Variants in ARHGAP30 observed in about 807,000 individuals in gnomAD.
ARHGAP30 encodes rho GTPase-activating protein 30.
Under a neutral mutation model 72.0 loss-of-function variants are expected in ARHGAP30, and 23 were observed. That is an observed-to-expected ratio of 0.32 (90% CI 0.23 to 0.45). The LOEUF (loss-of-function observed/expected upper bound fraction) is 0.45. Among genes scored for constraint, ARHGAP30 ranks in the 20% least tolerant of loss-of-function variants. The probability of loss-of-function intolerance (pLI) is 1.00; values close to 1 mark genes in which losing one functional copy is unlikely to be tolerated. For missense variants in ARHGAP30, 1,319 were observed against 1,383.4 expected, an observed-to-expected ratio of 0.95 and a Z score of 0.74; for synonymous variants, 576 against 528.2, an observed-to-expected ratio of 1.09 and a Z score of -1.24.
intron 10 of ARHGAP30, among the ~76,000 whole-genome samples, chr1:161,050,421 T>G (rs541809730): frequency 7.0e-6 from 1 of 143,426 alleles, no homozygotes; most frequent in East Asian, 2.1e-4. Context: ...GCCTCAGCCT[T>G]CTGAGTCTCT....
chr1:161,051,233 A>G lies in ARHGAP30; in HGVS notation c.1420+81T>C, dbSNP rs78640340. Reference sequence around the variant, plus strand: ...AAGGGCTGAGGCCTCTGCCCTTCCTAGGGTGGATCTTCCAGCATCAGAGCT... The same window carrying G: ...AAGGGCTGAGGCCTCTGCCCTTCCTGGGGTGGATCTTCCAGCATCAGAGCT... On this transcript the variant is annotated intron_variant, in intron 10 of 11. Transcript: ENST00000368013. The G allele has an allele frequency of 6.1e-5, 92 of 1,501,068 alleles. No homozygotes were observed. In the African/African-American group the frequency reaches 1.2e-3, roughly 19 times the overall value. 93.0% of individuals were successfully genotyped at this position (1,501,068 alleles called of 1,614,324 possible).
rs1300758416 is a variant in ARHGAP30, at chr1:161,052,559, G to A, written c.837-16C>T. On this transcript the variant is annotated splice_polypyrimidine_tract_variant and intron_variant, in intron 7 of 11. Coordinates refer to ENST00000368013, the MANE Select transcript of ARHGAP30 (RefSeq NM_001025598.2). ...CCCCTTCCTCCTACAAAGAATGGAG[G>A]GGCATAATTGGAGGTTGGAACATGA... The A allele has an allele frequency of 6.2e-7, 1 of 1,614,022 alleles. No homozygotes were observed. Among genetic ancestry groups the A allele is most frequent in the East Asian group, 2.2e-5 (1 of 44,874 alleles).
chr1:161,051,721 G>T lies in ARHGAP30; in HGVS notation c.1019-6C>A. On this transcript the variant is annotated splice_polypyrimidine_tract_variant and splice_region_variant and intron_variant, in intron 9 of 11. Coordinates refer to ENST00000368013, the MANE Select transcript of ARHGAP30 (RefSeq NM_001025598.2). ...CCCCACCAGCCCCTCTGGCTCTGTG[G>T]AGGAAAAAGAGGGCCAGGTAGGCAA... The T allele has an allele frequency of 6.3e-7, 1 of 1,594,122 alleles. No homozygotes were observed. The highest frequency in any genetic ancestry group is 8.5e-7 in the Non-Finnish European group (1 of 1,170,966).
At chr1:161,068,268 C>T (rs1652907481) in intron 1 of ARHGAP30, among the ~76,000 whole-genome samples, 1 of 152,212 alleles carries the variant, frequency 6.6e-6, no homozygotes, top group Non-Finnish European at 1.5e-5. Context: ...AAGGAGTAAG[C>T]CCTGCACTGA....
Position 161,051,544 on chromosome 1 carries a change from C to A in ARHGAP30, c.1190G>T (p.Arg397Leu). The A allele has an allele frequency of 6.2e-7, 1 of 1,614,184 alleles. No homozygotes were observed. The highest frequency in any genetic ancestry group is 8.5e-7 in the Non-Finnish European group (1 of 1,180,042). ...GTPRAGRSAI[R>L]AGGSSRAERC... ...TTCTGCACGGCTGCTGCCCCCAGCC[C>A]GGATGGCTGACCGCCCAGCTCGTGG... The change falls in exon 10 of 12, where the codon CGG (arginine) becomes CTG (leucine). Residue 397 changes from arginine to leucine, a missense_variant. This residue lies in a region of ARHGAP30 where 1,097 missense variants were observed against 1,045.2 expected (regional missense o/e 1.05). Transcript: ENST00000368013.
rs557581175 is a variant in ARHGAP30, at chr1:161,066,010, G to A, written c.97+3518C>T. Among the ~76,000 whole-genome samples the A allele has an allele frequency of 4.2e-4, 63 of 151,002 alleles. No individual in the cohort carries two copies. In the East Asian group the frequency reaches 1.0e-2, roughly 24 times the overall value. ...CTCCCGAGTAGCTGGGACTACAGGC[G>A]CACACCACCATGTCCAGCTAATTTT... On this transcript the variant is annotated intron_variant, in intron 1 of 11. Transcript: ENST00000368013.
rs760395575 is a variant in ARHGAP30 at position 161,051,543 on chromosome 1, C to T, written c.1191G>A (p.Arg397=). The T allele has an allele frequency of 1.2e-6, 2 of 1,614,170 alleles. No homozygotes were observed. The highest frequency in any genetic ancestry group is 1.1e-5 in the South Asian group (1 of 91,086). Residue 397 remains arginine (R), a synonymous_variant, in exon 10 of 12, where the codon CGG becomes CGA. Transcript: ENST00000368013. The part of the protein sequence containing the change: ...GTPRAGRSAI[R]AGGSSRAERC... ...GTTCTGCACGGCTGCTGCCCCCAGC[C>T]CGGATGGCTGACCGCCCAGCTCGTG...
rs764764220 is a variant in ARHGAP30 at position 161,051,548 on chromosome 1, T to C, written c.1186A>G (p.Ile396Val). 6 of 1,614,176 alleles carry C rather than the reference T, an allele frequency of 3.7e-6. No homozygotes were observed. The South Asian group carries it at 5.5e-5, about 15-fold the overall frequency. The change falls in exon 10 of 12, where the codon ATC (isoleucine) becomes GTC (valine). Residue 396 changes from isoleucine (I) to valine (V), a missense_variant. Transcript: ENST00000368013. Reference sequence around the variant, plus strand: ...GCACGGCTGCTGCCCCCAGCCCGGATGGCTGACCGCCCAGCTCGTGGTGTG... The same window carrying C: ...GCACGGCTGCTGCCCCCAGCCCGGACGGCTGACCGCCCAGCTCGTGGTGTG... Reference protein sequence around the residue: ...PGTPRAGRSAIRAGGSSRAER... With the variant: ...PGTPRAGRSAVRAGGSSRAER...
At chr1:161,063,802 G>A (rs1278681669) in intron 1 of ARHGAP30, among the ~76,000 whole-genome samples, 2 of 151,512 alleles carry the variant, frequency 1.3e-5, no homozygotes, top group African/African-American at 2.4e-5. Flanking sequence ...GTCTCTGAAC[G>A]CCCCCCCCAC....
chr1:161,059,399 G>T (rs1248959889), intron 2 of ARHGAP30, among the ~76,000 whole-genome samples: 1 of 149,784 alleles, frequency 6.7e-6, no homozygotes, highest in African/African-American at 2.4e-5. Context: ...AGTGGAGTTT[G>T]TGTGTGTGTG....
chr1:161,065,070 A>G (rs1652662933), intron 1 of ARHGAP30, among the ~76,000 whole-genome samples: 1 of 152,182 alleles, frequency 6.6e-6, no homozygotes, highest in East Asian at 1.9e-4. Flanking sequence ...GTTGGGGTGC[A>G]TTCAAGCAGT....
chr1:161,067,966 C>T (rs893355183), intron 1 of ARHGAP30, among the ~76,000 whole-genome samples: 1 of 149,810 alleles, frequency 6.7e-6, no homozygotes, highest in Non-Finnish European at 1.5e-5. Context: ...CTCCTGCTCT[C>T]GGATTCACCT....
chr1:161,048,362 C>T lies in ARHGAP30; in HGVS notation c.2659G>A (p.Glu887Lys), dbSNP rs779069746. 1.9e-6 allele frequency: 3 copies of T among 1,614,032 alleles called. No individual in the cohort carries two copies. The highest frequency in any genetic ancestry group is 1.1e-5 in the South Asian group (1 of 91,094). The change falls in exon 12 of 12, where the codon GAG (glutamate) becomes AAG (lysine). Residue 887 changes from glutamate (E) to lysine (K), a missense_variant. By Grantham distance (56) the Glu-to-Lys change is moderately conservative. Coordinates refer to ENST00000368013, the MANE Select transcript of ARHGAP30 (RefSeq NM_001025598.2). ...GGCTGAGGTGGCTGTGGGGCTACCT[C>T]TTCCATCTCAGAAGAGTGAGGATTG... ...EGNPHSSEMEEVAPQPPQPEE... is the reference protein window; with the variant it reads ...EGNPHSSEMEKVAPQPPQPEE...
rs762825448 is a variant in ARHGAP30, at chr1:161,059,614, C to T, written c.200G>A (p.Arg67Gln). 2.5e-6 allele frequency: 4 copies of T among 1,611,398 alleles called. No individual in the cohort carries two copies. Among genetic ancestry groups the T allele is most frequent in the Non-Finnish European group, 3.4e-6 (4 of 1,178,528 alleles). Residue 67 changes from arginine to glutamine, a missense_variant and splice_region_variant, in exon 2 of 12, where the codon CGG becomes CAG. By Grantham distance (43) the Arg-to-Gln change is conservative. Coordinates refer to ENST00000368013, the MANE Select transcript of ARHGAP30 (RefSeq NM_001025598.2). ...SGVSSNIQKL[R>Q]QEFESERKPD... is the part of the protein sequence containing the mutation. Reference sequence around the variant, plus strand: ...AGCCCTCCCACTCTGTTTGACTCACCGAAGCTTCTGGATGTTGGAGGAGAC... The same window carrying T: ...AGCCCTCCCACTCTGTTTGACTCACTGAAGCTTCTGGATGTTGGAGGAGAC...
At chr1:161,065,523 C>G (rs913546227) in intron 1 of ARHGAP30, among the ~76,000 whole-genome samples, 15 of 151,980 alleles carry the variant, frequency 9.9e-5, no homozygotes, top group African/African-American at 3.6e-4. Flanking sequence ...TCATCAATCC[C>G]AATCTTTCCT....
At chr1:161,055,915 TA>T (rs1376483102) in intron 3 of ARHGAP30, among the ~76,000 whole-genome samples, 18,306 of 41,298 alleles carry the variant, frequency 0.44, 3,477 homozygotes, top group African/African-American at 0.6. Context: ...TAAAATAAAA[TA>T]AAATAAAATA....
intron 2 of ARHGAP30, among the ~76,000 whole-genome samples, chr1:161,058,958 G>A (rs1652117611): frequency 6.6e-6 from 1 of 151,984 alleles, no homozygotes; most frequent in South Asian, 2.1e-4. Flanking sequence ...AATAGTATGT[G>A]AATACACTAA....
chr1:161,062,223 C>T (rs1652362106), intron 1 of ARHGAP30, among the ~76,000 whole-genome samples: 1 of 152,280 alleles, frequency 6.6e-6, no homozygotes. Flanking sequence ...CTTTAATCCC[C>T]ATTGCTTACC....
Position 161,048,105 on chromosome 1 carries a change from A to G in ARHGAP30, c.2916T>C (p.Asp972=), listed in dbSNP as rs746266726. 1 of 1,614,064 alleles carries G rather than the reference A, an allele frequency of 6.2e-7. No individual in the cohort carries two copies. Among genetic ancestry groups the G allele is most frequent in the Non-Finnish European group, 8.5e-7 (1 of 1,180,044 alleles). ...CCCAAGCCCTTTCTCCAGGAGTCCC[A>G]TCAAGCCGGCCAGGCCTCGGGCATG... ...ANPCPRPGRL[D]GTPGERAWGS... The change falls in exon 12 of 12, where the codon GAT becomes GAC. Residue 972 remains aspartate, a synonymous_variant. Coordinates refer to ENST00000368013, the MANE Select transcript of ARHGAP30 (RefSeq NM_001025598.2).
Sources: allele counts gnomAD v4.1 joint callset (sites outside exome capture counted in the v4.1 genomes callset), GRCh38; gene constraint gnomAD v4.1.1; regional missense constraint gnomAD v4.1.1; transcripts MANE v1.5; gene names NCBI Gene and HGNC (gene_info 2026-07-23, HGNC 2026-07-21).